Variants in HS6ST3 observed in about 807,000 individuals in gnomAD.
HS6ST3 encodes the protein heparan sulfate 6-O-sulfotransferase 3, also known as heparan-sulfate 6-O-sulfotransferase 3.
Under a neutral mutation model 36.7 loss-of-function variants are expected in HS6ST3, and 12 were observed. The observed-to-expected ratio is 0.33, with a 90% CI of 0.21 to 0.53. The LOEUF is 0.53. Ranked by LOEUF, HS6ST3 falls within the 20% of genes least tolerant of loss-of-function variation. The pLI is 0.95. For missense variants in HS6ST3, 584 were observed against 640.9 expected, an observed-to-expected ratio of 0.91 and a Z score of 0.96; for synonymous variants, 240 against 257.5, an observed-to-expected ratio of 0.93 and a Z score of 0.65.
rs1878895363 is a variant in HS6ST3 at position 96,835,202 on chromosome 13, A to C, written c.*2004A>C. On this transcript the variant is annotated 3_prime_UTR_variant, in exon 2 of 2. Coordinates refer to ENST00000376705, the MANE Select transcript of HS6ST3 (RefSeq NM_153456.4). Reference sequence around the variant, plus strand: ...AAGCCAGCTGCAATTTCCCAGAAGCATTTGTCTCTAACCCATGTGGGTAGC... The same window carrying C: ...AAGCCAGCTGCAATTTCCCAGAAGCCTTTGTCTCTAACCCATGTGGGTAGC... 6.6e-6 allele frequency: 1 copy of C among 152,144 alleles called. No homozygotes were observed. Among genetic ancestry groups the C allele is most frequent in the African/African-American group, 2.4e-5 (1 of 41,390 alleles). The allele number at this position is 152,144 out of a possible 1,614,324, so 9.4% of individuals were successfully genotyped here.
chr13:96,103,658 G>C (rs1324965885), intron 1 of HS6ST3, among the ~76,000 whole-genome samples: 1 of 152,058 alleles, frequency 6.6e-6, no homozygotes, highest in African/African-American at 2.4e-5. Context: ...TTATATTGAC[G>C]TAAGAAGGCT....
At chr13:96,671,043 G>A (rs1305550925) in intron 1 of HS6ST3, among the ~76,000 whole-genome samples, 1 of 152,108 alleles carries the variant, frequency 6.6e-6, no homozygotes, top group Non-Finnish European at 1.5e-5. Context: ...ACACTTAGGG[G>A]TAATGAAAGT....
intron 1 of HS6ST3, among the ~76,000 whole-genome samples, chr13:96,199,396 C>T (rs1163389903): frequency 6.6e-6 from 1 of 152,152 alleles, no homozygotes; most frequent in Non-Finnish European, 1.5e-5. Context: ...TAAAAAGGAG[C>T]AACCACAGAG....
chr13:96,315,220 C>T (rs1045399814), intron 1 of HS6ST3, among the ~76,000 whole-genome samples: 31 of 152,124 alleles, frequency 2.0e-4, no homozygotes, highest in Non-Finnish European at 2.9e-5. Context: ...ACATATTTCT[C>T]TAAGATCTTG....
At chr13:96,307,562 A>G (rs1420686373) in intron 1 of HS6ST3, among the ~76,000 whole-genome samples, 1 of 151,862 alleles carries the variant, frequency 6.6e-6, no homozygotes, top group Non-Finnish European at 1.5e-5. Context: ...GTGTTTACTA[A>G]TTTTTTTCTT....
intron 1 of HS6ST3, among the ~76,000 whole-genome samples, chr13:96,321,119 T>G (rs2055000934): frequency 1.7e-5 from 2 of 117,654 alleles, no homozygotes; most frequent in African/African-American, 6.4e-5. Flanking sequence ...GAACTCAACT[T>G]TTTTTTTTTA....
At chr13:96,437,862 T>A (rs1056754095) in intron 1 of HS6ST3, among the ~76,000 whole-genome samples, 13 of 152,234 alleles carry the variant, frequency 8.5e-5, no homozygotes, top group African/African-American at 3.1e-4. Flanking sequence ...CTGGGGATAC[T>A]CTTCATGTTA....
intron 1 of HS6ST3, among the ~76,000 whole-genome samples, chr13:96,092,089 T>G (rs1282504596): frequency 6.6e-6 from 1 of 152,080 alleles, no homozygotes. Flanking sequence ...AAACAGTCAA[T>G]CCTCTTGATG....
At position 96,744,155 on chromosome 13, in the gene HS6ST3, G is replaced by C. The variant is rs568811825; in HGVS notation, c.708-88335G>C. Among the ~76,000 whole-genome samples, 44 of 151,702 alleles carry C rather than the reference G, an allele frequency of 2.9e-4. 1 individual carries two copies. Among genetic ancestry groups the C allele is most frequent in the Non-Finnish European group, 3.1e-4 (21 of 67,862 alleles). ...CCAAGATATAAGCTACATTATTACT[G>C]GAAAACATGTTATAAATGAAATTTT... On this transcript the variant is annotated intron_variant, in intron 1 of 1. Coordinates refer to ENST00000376705, the MANE Select transcript of HS6ST3 (RefSeq NM_153456.4).
chr13:96,258,985 G>A (rs1232943758), intron 1 of HS6ST3, among the ~76,000 whole-genome samples: 2 of 152,134 alleles, frequency 1.3e-5, no homozygotes, highest in African/African-American at 4.8e-5. Context: ...CACAGAAGAA[G>A]AGGTATTTGA....
intron 1 of HS6ST3, among the ~76,000 whole-genome samples, chr13:96,823,767 A>T (rs1878588628): frequency 6.6e-6 from 1 of 152,024 alleles, no homozygotes; most frequent in Non-Finnish European, 1.5e-5. Flanking sequence ...TTACAGTCGC[A>T]TGCCACCATG....
At chr13:96,354,384 T>A (rs1332958881) in intron 1 of HS6ST3, among the ~76,000 whole-genome samples, 1 of 152,160 alleles carries the variant, frequency 6.6e-6, no homozygotes, top group East Asian at 1.9e-4. Context: ...ACAGAGCTAT[T>A]GAGAAGTAGG....
chr13:96,247,420 T>C lies in HS6ST3; in HGVS notation c.707+155851T>C, dbSNP rs915729877. The stretch of plus-strand genomic sequence containing the variant: ...GGTTTCCCTTATGCTGTTCTCATGA[T>C]AGTGAATGAGTTCTCATGAGATCTG... On this transcript the variant is annotated intron_variant, in intron 1 of 1. Transcript: ENST00000376705. Among the ~76,000 whole-genome samples, 8 of 152,058 alleles carry C rather than the reference T, an allele frequency of 5.3e-5. 1 individual carries two copies. Among genetic ancestry groups the C allele is most frequent in the Admixed American group, 2.0e-4 (3 of 15,262 alleles).
At chr13:96,292,916 C>G (rs1383009360) in intron 1 of HS6ST3, among the ~76,000 whole-genome samples, 2 of 151,928 alleles carry the variant, frequency 1.3e-5, no homozygotes, top group Non-Finnish European at 2.9e-5. Flanking sequence ...CTTTTATATG[C>G]TGTATTATCA....
At chr13:96,110,676 G>A (rs768551810) in intron 1 of HS6ST3, among the ~76,000 whole-genome samples, 3 of 151,994 alleles carry the variant, frequency 2.0e-5, no homozygotes, top group Non-Finnish European at 2.9e-5. Context: ...CCCCCGCCTC[G>A]GCCTCCCAAA....
intron 1 of HS6ST3, among the ~76,000 whole-genome samples, chr13:96,360,161 G>T (rs1237280899): frequency 1.3e-5 from 2 of 152,056 alleles, no homozygotes; most frequent in African/African-American, 4.8e-5. Context: ...TTGAAGGATG[G>T]GGTGCTGGCA....
At position 96,701,687 on chromosome 13, in the gene HS6ST3, C is replaced by T. The variant is rs146058937; in HGVS notation, c.708-130803C>T. ...ACTGACCTATAAGAACAACCAGGCACGGTGTCTCACGCCTGTAGTCCCAGC... is the reference window on the plus strand; with the variant it reads ...ACTGACCTATAAGAACAACCAGGCATGGTGTCTCACGCCTGTAGTCCCAGC... On this transcript the variant is annotated intron_variant, in intron 1 of 1. Transcript: ENST00000376705. Among the ~76,000 whole-genome samples, 149 of 152,162 alleles carry T rather than the reference C, an allele frequency of 9.8e-4. 1 individual carries two copies. The highest frequency in any genetic ancestry group is 3.2e-3 in the African/African-American group (132 of 41,536).
In HS6ST3 at chr13:96,152,330, T is replaced by TGTTG. The variant is rs1555388348; in HGVS notation, c.707+60761_707+60762insGTTG. ...TGGCCCCTTTCCTTTTTTTTTTTTTTTTTTTGTTGTTGTTGTTGTTGTTTT... is the reference window on the plus strand; with the variant it reads ...TGGCCCCTTTCCTTTTTTTTTTTTTTGTTGTTTTTGTTGTTGTTGTTGTTGTTTT... On this transcript the variant is annotated intron_variant, in intron 1 of 1. Transcript: ENST00000376705. Among the ~76,000 whole-genome samples the TGTTG allele has an allele frequency of 2.3e-3, 147 of 63,364 alleles. 1 individual carries two copies. The highest frequency in any genetic ancestry group is 7.4e-3 in the African/African-American group (140 of 18,836). 41.6% of individuals were successfully genotyped at this position (63,364 alleles called of 152,430 possible).
intron 1 of HS6ST3, among the ~76,000 whole-genome samples, chr13:96,414,750 G>A (rs1161900669): frequency 6.6e-6 from 1 of 152,156 alleles, no homozygotes; most frequent in Non-Finnish European, 1.5e-5. Context: ...CCAAAGTGCA[G>A]GGATTACAGG....
Sources: allele counts gnomAD v4.1 joint callset (sites outside exome capture counted in the v4.1 genomes callset), GRCh38; gene constraint gnomAD v4.1.1; transcripts MANE v1.5; gene names NCBI Gene and HGNC (gene_info 2026-07-23, HGNC 2026-07-21).